Variants in CTC1 observed in about 807,000 individuals in gnomAD.
The protein encoded by CTC1 is CST telomere replication complex component 1.
A neutral mutation model predicts 136.3 loss-of-function variants in CTC1; 91 were observed. That is an observed-to-expected ratio of 0.67 (90% CI 0.56 to 0.79). The LOEUF (loss-of-function observed/expected upper bound fraction) is 0.79. Ranked by LOEUF, CTC1 falls within the 30% of genes least tolerant of loss-of-function variation. The pLI, the probability that CTC1 is intolerant of heterozygous loss-of-function variation, is 0.00. For missense variants in CTC1, 1,432 were observed against 1,498.1 expected (o/e 0.96, Z 0.73); for synonymous variants, 606 against 613.8 (o/e 0.99, Z 0.19).
chr17:8,237,998 A>G (rs746433475), intron 4 of CTC1, 33 bp downstream of exon 4: 2 of 1,562,244 alleles, frequency 1.3e-6, no homozygotes, highest in Middle Eastern at 1.9e-4. Flanking sequence ...TCAGTTTTAC[A>G]GCGCCCCTGC....
Position 8,234,538 on chromosome 17 carries a change from A to C in CTC1, c.1735T>G (p.Ser579Ala), listed in dbSNP as rs1256848563. Residue 579 changes from serine (S) to alanine (A), a missense_variant, in exon 10 of 23, where the codon TCC (serine) becomes GCC (alanine). Ser to Ala is a moderately conservative substitution (Grantham distance 99). Transcript: ENST00000651323. ...PKALLPLPEA[S>A]YLPSCQLNRR... Reference sequence around the variant, plus strand: ...TTGAGTTGGCAGCTGGGCAGGTAGGAGGCCTCCGGGAGGGGCAGAAGGGCC... The same window carrying C: ...TTGAGTTGGCAGCTGGGCAGGTAGGCGGCCTCCGGGAGGGGCAGAAGGGCC... 2.6e-6 allele frequency: 4 copies of C among 1,568,538 alleles called. No individual in the cohort carries two copies. Among genetic ancestry groups the C allele is most frequent in the Non-Finnish European group, 3.5e-6 (4 of 1,155,974 alleles).
At position 8,228,861 on chromosome 17, in the gene CTC1, C is replaced by T. The variant is rs1209523245; in HGVS notation, c.3253G>A (p.Val1085Met). The T allele has an allele frequency of 4.3e-6, 7 of 1,613,730 alleles. No homozygotes were observed. The highest frequency in any genetic ancestry group is 2.7e-5 in the African/African-American group (2 of 74,878). ...ACATGGTGATTCCTACAGGTCACCA[C>T]GGCTTCGGCAGTCCCATCCTCCACC... is the stretch of plus-strand genomic sequence containing the variant. ...LLVEDGTAEA[V>M]VTCRNHHVAA... Residue 1085 changes from valine to methionine, a missense_variant, in exon 21 of 23, where the codon GTG becomes ATG. Coordinates refer to ENST00000651323, the MANE Select transcript of CTC1 (RefSeq NM_025099.6).
At chr17:8,240,157 T>TC (rs35249152) in intron 2 of CTC1, among the ~76,000 whole-genome samples, 3 of 48,384 alleles carry the variant, frequency 6.2e-5, no homozygotes, top group Non-Finnish European at 1.9e-4. Flanking sequence ...GAACTGTCTC[T>TC]TTTTTTTTTT....
Position 8,234,678 on chromosome 17 carries a change from C to T in CTC1, c.1618-23G>A, listed in dbSNP as rs372800619. 221 of 1,593,516 alleles carry T rather than the reference C, an allele frequency of 1.4e-4. 1 individual carries two copies. The highest frequency in any genetic ancestry group is 1.8e-4 in the Non-Finnish European group (210 of 1,167,620). On this transcript the variant is annotated intron_variant, in intron 9 of 22. Coordinates refer to ENST00000651323, the MANE Select transcript of CTC1 (RefSeq NM_025099.6). ...GTACTGTCAAGGAGGGAAGAGAAAT[C>T]GGGTGTGTGTCCCATGGGCCCCAGG...
At position 8,235,952 on chromosome 17, in the gene CTC1, A is replaced by T. The variant is rs374867923; in HGVS notation, c.1085T>A (p.Val362Asp). ...YSRLLSYSGA[V>D]TGVLNEPAGL... ...AGCGGGCTCATTCAACACGCCAGTG[A>T]CTGCTCCCTGCAAACAGGCCGAGGT... Residue 362 changes from valine to aspartate, a missense_variant, in exon 7 of 23, where the codon GTC becomes GAC. By Grantham distance (152) the Val-to-Asp change is radical. Coordinates refer to ENST00000651323, the MANE Select transcript of CTC1 (RefSeq NM_025099.6). The T allele has an allele frequency of 1.9e-6, 3 of 1,605,418 alleles. No individual in the cohort carries two copies. In the African/African-American group the frequency reaches 4.0e-5, roughly 21 times the overall value.
intron 1 of CTC1, among the ~76,000 whole-genome samples, chr17:8,246,645 C>T (rs1988734053): frequency 1.3e-5 from 2 of 152,100 alleles, no homozygotes; most frequent in African/African-American, 4.8e-5. Context: ...CCAGCAGTTT[C>T]GGAGGCCAAG....
intron 17 of CTC1, 22 bp downstream of exon 17, chr17:8,230,272 A>G (rs770312226): frequency 8.1e-5 from 130 of 1,597,662 alleles, no homozygotes; most frequent in Non-Finnish European, 1.1e-4. Flanking sequence ...AAGAGGAGGC[A>G]GGTGACACTA....
At position 8,231,309 on chromosome 17, in the gene CTC1, G is replaced by A. The variant is rs1414738137; in HGVS notation, c.2636C>T (p.Pro879Leu). ...GAGCAGGTCGGTCAGTGAGGATTCAGGCAATGACTTGTTTGCATCCAGCAC... is the reference window on the plus strand; with the variant it reads ...GAGCAGGTCGGTCAGTGAGGATTCAAGCAATGACTTGTTTGCATCCAGCAC... ...QDVLDANKSL[P>L]ESSLTDLLSD... The change falls in exon 15 of 23, where the codon CCT (proline) becomes CTT (leucine). Residue 879 changes from proline to leucine, a missense_variant. Physicochemically the swap from Pro to Leu is moderately conservative, Grantham distance 98. Transcript: ENST00000651323. 1.3e-6 allele frequency: 2 copies of A among 1,597,620 alleles called. No homozygotes were observed. The highest frequency in any genetic ancestry group is 1.7e-5 in the Admixed American group (1 of 58,878).
At chr17:8,234,312 G>T in intron 10 of CTC1, 143 bp downstream of exon 10, 1 of 803,430 alleles carries the variant, frequency 1.2e-6, no homozygotes, top group South Asian at 1.6e-5. Context: ...GAATGAATTG[G>T]AGGGCCAACA....
intron 18 of CTC1, 80 bp from the exon 19 acceptor site, chr17:8,229,526 GAAGGA>G: frequency 7.6e-7 from 1 of 1,307,726 alleles, no homozygotes; most frequent in Non-Finnish European, 1.1e-6. Context: ...GGTGGGTCTA[GAAGGA>G]CTTAGAGGGC....
At position 8,229,403 on chromosome 17, in the gene CTC1, C is replaced by T; in HGVS notation, c.3055G>A (p.Gly1019Ser). 6.2e-7 allele frequency: 1 copy of T among 1,613,968 alleles called. No individual in the cohort carries two copies. ...GCAGTGGCCTGGAATGGGGACTGAC[C>T]ACCCTGCAGAAGTTCAGCCAGGTAG... ...HIYLAELLQG[G>S]QSPFQATASC... Residue 1019 changes from glycine to serine, a missense_variant, in exon 19 of 23, where the codon GGT becomes AGT. Gly to Ser is a moderately conservative substitution (Grantham distance 56, BLOSUM62 0). Transcript: ENST00000651323.
intron 1 of CTC1, among the ~76,000 whole-genome samples, chr17:8,246,084 T>C (rs1212516470): frequency 6.6e-6 from 1 of 151,620 alleles, no homozygotes; most frequent in Non-Finnish European, 1.5e-5. Context: ...CACACGCCAG[T>C]AGTCCCAGCT....
At position 8,243,105 on chromosome 17, in the gene CTC1, G is replaced by C; in HGVS notation, c.77C>G (p.Thr26Ser). ...AGGCTCCTTGACAGCTGGACACAGG[G>C]TCTTTTGGATGAAGACCTGAGCATC... ...LEDAQVFIQK[T>S]LCPAVKEPNV... is the part of the protein sequence containing the mutation. The change falls in exon 2 of 23, where the codon ACC (threonine) becomes AGC (serine). Residue 26 changes from threonine to serine, a missense_variant. Coordinates refer to ENST00000651323, the MANE Select transcript of CTC1 (RefSeq NM_025099.6). 1 of 1,614,064 alleles carries C rather than the reference G, an allele frequency of 6.2e-7. No homozygotes were observed. Among genetic ancestry groups the C allele is most frequent in the Non-Finnish European group, 8.5e-7 (1 of 1,179,946 alleles).
chr17:8,229,425 G>A lies in CTC1; in HGVS notation c.3033C>T (p.Tyr1011=), dbSNP rs778015991. ...TTISIPLPHI[Y]LAELLQGGQS... ...GACCACCCTGCAGAAGTTCAGCCAG[G>A]TAGATGTGGGGCAGGGGAATGCTAA... The change falls in exon 19 of 23, where the codon TAC becomes TAT. Residue 1011 remains tyrosine, a synonymous_variant. Transcript: ENST00000651323. 2.5e-6 allele frequency: 4 copies of A among 1,613,698 alleles called. No homozygotes were observed. Among genetic ancestry groups the A allele is most frequent in the Admixed American group, 1.7e-5 (1 of 60,010 alleles).
rs1446511863 is a variant in CTC1, at chr17:8,228,617, C to A, written c.3400G>T (p.Val1134Phe). The change falls in exon 22 of 23, where the codon GTT becomes TTT. Residue 1134 changes from valine to phenylalanine, a missense_variant. Physicochemically the swap from Val to Phe is conservative, Grantham distance 50. Coordinates refer to ENST00000651323, the MANE Select transcript of CTC1 (RefSeq NM_025099.6). ...AGGAACATGGTCATGGGCTCGTCAA[C>A]CCTGGCTGAAGACTAGAAAGAGAAG... ...PGAQLESSAR[V>F]DEPMTMFLWT... is the part of the protein sequence containing the mutation. The A allele has an allele frequency of 7.4e-6, 12 of 1,614,050 alleles. No homozygotes were observed. Among genetic ancestry groups the A allele is most frequent in the Non-Finnish European group, 1.0e-5 (12 of 1,180,022 alleles).
rs961384917 is a variant in CTC1 at position 8,225,920 on chromosome 17, C to G, written c.*2260G>C. ...AGTGGCTCAGGTTCTAGGGGACGTC[C>G]TAGGGTGGAGAAAGAGGCCTGGAAG... is the stretch of plus-strand genomic sequence containing the variant. On this transcript the variant is annotated 3_prime_UTR_variant, in exon 23 of 23. Transcript: ENST00000651323. 6.6e-6 allele frequency: 1 copy of G among 151,934 alleles called. No homozygotes were observed. The highest frequency in any genetic ancestry group is 2.4e-5 in the African/African-American group (1 of 41,350). 9.4% of individuals were successfully genotyped at this position (151,934 alleles called of 1,614,324 possible). A position where few individuals can be genotyped will look rare whatever the true frequency, so the allele number is the denominator to read the frequency against.
At position 8,232,399 on chromosome 17, in the gene CTC1, C is replaced by T; in HGVS notation, c.2022G>A (p.Glu674=). 1 of 1,614,172 alleles carries T rather than the reference C, an allele frequency of 6.2e-7. No homozygotes were observed. ...DVRSSFPSWK[E]LSMPGFIQKQ... is the part of the protein sequence containing the mutation. ...TCTGGATGAAGCCTGGCATGCTCAGCTCCTTCCAGGAAGGGAAGCTGCTTC... is the reference window on the plus strand; with the variant it reads ...TCTGGATGAAGCCTGGCATGCTCAGTTCCTTCCAGGAAGGGAAGCTGCTTC... Residue 674 remains glutamate, a synonymous_variant, in exon 12 of 23, where the codon GAG becomes GAA. Coordinates refer to ENST00000651323, the MANE Select transcript of CTC1 (RefSeq NM_025099.6).
chr17:8,244,634 T>C (rs1224218636), intron 1 of CTC1, among the ~76,000 whole-genome samples: 1 of 152,126 alleles, frequency 6.6e-6, no homozygotes, highest in East Asian at 1.9e-4. Context: ...CAAGTGATTC[T>C]CCTGTCTCAG....
intron 2 of CTC1, among the ~76,000 whole-genome samples, chr17:8,240,561 C>T (rs1373412984): frequency 1.3e-5 from 2 of 152,136 alleles, no homozygotes; most frequent in Non-Finnish European, 2.9e-5. Flanking sequence ...AAAAACAAAA[C>T]CGTGTACAAG....
Sources: gnomAD v4.1 joint callset for allele counts (sites outside exome capture counted in the v4.1 genomes callset) on GRCh38, gnomAD v4.1.1 for gene constraint, MANE v1.5 for transcripts, NCBI Gene and HGNC (gene_info 2026-07-23, HGNC 2026-07-21) for gene names.